The following EPSTI1 variants were observed in gnomAD, a reference collection of about 807,000 sequenced individuals.
The protein encoded by EPSTI1 is epithelial stromal interaction 1.
EPSTI1 carries 66 observed loss-of-function variants against 49.9 expected under a neutral mutation model. That is an observed-to-expected ratio of 1.32 (90% CI 1.08 to 1.62). The LOEUF (loss-of-function observed/expected upper bound fraction) is 1.62. Ranked by LOEUF, EPSTI1 falls within the 40% of genes most tolerant of loss-of-function variation. EPSTI1 has a pLI of 0.00. For missense variants in EPSTI1, 394 were observed against 365.5 expected (o/e 1.08, Z -0.64); for synonymous variants, 137 against 130.7 (o/e 1.05, Z -0.33).
chr13:42,992,065 A>T lies in EPSTI1; in HGVS notation c.101T>A (p.Leu34Gln). The change falls in exon 1 of 11, where the codon CTG (leucine) becomes CAG (glutamine). Residue 34 changes from leucine to glutamine, a missense_variant. Coordinates refer to ENST00000313624, the MANE Select transcript of EPSTI1 (RefSeq NM_033255.5). ...PQDPSGRQGE[L>Q]SPVEDQREGL... ...CTCTCTCTGGTCTTCCACGGGGCTCAGCTCCCCTTGCCGCCCAGAAGGGTC... is the reference window on the plus strand; with the variant it reads ...CTCTCTCTGGTCTTCCACGGGGCTCTGCTCCCCTTGCCGCCCAGAAGGGTC... The T allele has an allele frequency of 6.2e-7, 1 of 1,613,344 alleles. No individual in the cohort carries two copies.
chr13:42,886,576 T>C lies in EPSTI1; in HGVS notation c.*1918A>G, dbSNP rs1288837148. 6.6e-6 allele frequency: 1 copy of C among 152,126 alleles called. No homozygotes were observed. Among genetic ancestry groups the C allele is most frequent in the Non-Finnish European group, 1.5e-5 (1 of 67,998 alleles). The allele number at this position is 152,126 out of a possible 1,614,324, so 9.4% of individuals were successfully genotyped here. A position where few individuals can be genotyped will look rare whatever the true frequency, so the allele number is the denominator to read the frequency against. ...TGGAACTTTGGGATTTCCTGTCCAG[T>C]CACCTGCGAGTCAGGTTTTATTCCA... On this transcript the variant is annotated 3_prime_UTR_variant, in exon 11 of 11. Coordinates refer to ENST00000313624, the MANE Select transcript of EPSTI1 (RefSeq NM_033255.5).
chr13:42,926,873 C>T (rs2038196499), intron 6 of EPSTI1, among the ~76,000 whole-genome samples: 1 of 152,138 alleles, frequency 6.6e-6, no homozygotes, highest in Non-Finnish European at 1.5e-5. Context: ...TCTCATCTGC[C>T]TCATGGCTTT....
chr13:42,910,852 C>T (rs1438349716), intron 8 of EPSTI1, among the ~76,000 whole-genome samples: 2 of 152,104 alleles, frequency 1.3e-5, no homozygotes, highest in Non-Finnish European at 2.9e-5. Context: ...GGGTTGCAAA[C>T]ATCCTTATGT....
intron 8 of EPSTI1, 112 bp downstream of exon 8, chr13:42,917,429 T>C (rs2037860990): frequency 1.1e-6 from 1 of 945,662 alleles, no homozygotes; most frequent in Admixed American, 2.1e-5. Context: ...AATGCTTGTA[T>C]TCTTGTTTTC....
At chr13:42,919,457 C>T (rs914995043) in intron 7 of EPSTI1, 6 of 844,828 alleles carry the variant, frequency 7.1e-6, no homozygotes, top group Non-Finnish European at 9.5e-6. Flanking sequence ...TAATACAATA[C>T]CAATGCTATA....
intron 10 of EPSTI1, among the ~76,000 whole-genome samples, chr13:42,894,470 A>G (rs1465387294): frequency 6.6e-6 from 1 of 152,244 alleles, no homozygotes; most frequent in Non-Finnish European, 1.5e-5. Flanking sequence ...CACAAAATAC[A>G]TTAAACACAT....
At chr13:42,925,328 G>T (rs2038136916) in intron 7 of EPSTI1, among the ~76,000 whole-genome samples, 1 of 152,202 alleles carries the variant, frequency 6.6e-6, no homozygotes, top group African/African-American at 2.4e-5. Context: ...AGTGCTCACA[G>T]AATGGGGTTT....
At chr13:42,926,210 G>A in intron 7 of EPSTI1, 126 bp downstream of exon 7, 1 of 690,492 alleles carries the variant, frequency 1.4e-6, no homozygotes, top group Non-Finnish European at 2.7e-6. Flanking sequence ...CAAAGTTTCG[G>A]ATCAGGTCAT....
At chr13:42,956,163 A>C (rs74908002) in intron 5 of EPSTI1, among the ~76,000 whole-genome samples, 2,339 of 152,310 alleles carry the variant, frequency 0.015, 49 homozygotes, top group African/African-American at 0.051. Flanking sequence ...AAATGCTCTC[A>C]AAAGTTCCAC....
At chr13:42,982,870 C>G (rs1379095114) in intron 1 of EPSTI1, among the ~76,000 whole-genome samples, 1 of 152,124 alleles carries the variant, frequency 6.6e-6, no homozygotes, top group African/African-American at 2.4e-5. Flanking sequence ...CTCCCTAAAC[C>G]CATAGGAAAG....
At chr13:42,895,136 G>A (rs746276041) in intron 9 of EPSTI1, 28 bp from the exon 10 acceptor site, 1 of 1,564,064 alleles carries the variant, frequency 6.4e-7, no homozygotes, top group Non-Finnish European at 8.8e-7. Flanking sequence ...ATGTGTGTGA[G>A]TAGAAAACTT....
chr13:42,922,669 G>A lies in EPSTI1; in HGVS notation c.657+3667C>T, dbSNP rs975195895. Reference sequence around the variant, plus strand: ...CAGCAAAGGGAAGTGTTCAAATGTTGCGGTGGAAGTGGGATTCAAGCGGCG... The same window carrying A: ...CAGCAAAGGGAAGTGTTCAAATGTTACGGTGGAAGTGGGATTCAAGCGGCG... On this transcript the variant is annotated intron_variant, in intron 7 of 10. Transcript: ENST00000313624. The surrounding 1 kb of genome is among the most constrained non-coding windows in gnomAD (Gnocchi z 4.8). Among the ~76,000 whole-genome samples the A allele has an allele frequency of 1.3e-5, 2 of 152,158 alleles. No homozygotes were observed. The highest frequency in any genetic ancestry group is 2.9e-5 in the Non-Finnish European group (2 of 68,018).
In EPSTI1 at chr13:42,926,325, A is replaced by G; in HGVS notation, c.657+11T>C. ...TGTGCCAGGCAGCACCCTGCAAAGT[A>G]ATTCACTTACCCATGTTGAGGATTG... is the stretch of plus-strand genomic sequence containing the variant. On this transcript the variant is annotated intron_variant, in intron 7 of 10. Coordinates refer to ENST00000313624, the MANE Select transcript of EPSTI1 (RefSeq NM_033255.5). 1 of 1,535,356 alleles carries G rather than the reference A, an allele frequency of 6.5e-7. No individual in the cohort carries two copies. The highest frequency in any genetic ancestry group is 1.7e-5 in the Admixed American group (1 of 59,918).
At chr13:42,969,285 A>T in intron 2 of EPSTI1, 108 bp from the exon 3 acceptor site, 1 of 1,046,574 alleles carries the variant, frequency 9.6e-7, no homozygotes, top group Non-Finnish European at 1.4e-6. Context: ...ACTATATGTG[A>T]GCATGAGTGA....
chr13:42,969,564 A>T, intron 2 of EPSTI1: 1 of 215,592 alleles, frequency 4.6e-6, no homozygotes, highest in South Asian at 6.5e-5. Flanking sequence ...ACACATAGGT[A>T]AACATATCCC....
At chr13:42,978,016 A>G (rs2039912234) in intron 1 of EPSTI1, among the ~76,000 whole-genome samples, 1 of 151,936 alleles carries the variant, frequency 6.6e-6, no homozygotes, top group Admixed American at 6.6e-5. Context: ...AGCTGGGTGT[A>G]GTGGCGGGCG....
intron 1 of EPSTI1, among the ~76,000 whole-genome samples, chr13:42,986,811 G>A (rs995835512): frequency 6.6e-6 from 1 of 151,286 alleles, no homozygotes; most frequent in Non-Finnish European, 1.5e-5. Context: ...GAGAGGCGGG[G>A]GCTGGAGATT....
At chr13:42,950,017 G>A (rs539714471) in intron 6 of EPSTI1, among the ~76,000 whole-genome samples, 17 of 152,166 alleles carry the variant, frequency 1.1e-4, no homozygotes, top group East Asian at 1.9e-4. Flanking sequence ...TCCACCCAAA[G>A]GTATCACACA....
chr13:42,967,289 TAA>T (rs747737457), intron 3 of EPSTI1, among the ~76,000 whole-genome samples: 16,181 of 28,408 alleles, frequency 0.57, 5,557 homozygotes, highest in South Asian at 0.9. Flanking sequence ...AAAAATAAAT[TAA>T]AAAAAAAAAA....
Sources: gnomAD v4.1 joint callset for allele counts (sites outside exome capture counted in the v4.1 genomes callset) on GRCh38, gnomAD v4.1.1 for gene constraint, Gnocchi (gnomAD v3.1) non-coding constraint, MANE v1.5 for transcripts, NCBI Gene and HGNC (gene_info 2026-07-23, HGNC 2026-07-21) for gene names.